DNAH12: variants seen among roughly 807,000 people sequenced by gnomAD.
DNAH12 encodes axonemal beta dynein heavy chain 12.
In DNAH12, 285 loss-of-function variants were observed where a neutral mutation model predicts 371.5. The observed-to-expected ratio is 0.77, with a 90% confidence interval of 0.70 to 0.85. The LOEUF (loss-of-function observed/expected upper bound fraction) is 0.85. Ranked by LOEUF, DNAH12 falls within the 40% of genes least tolerant of loss-of-function variation. DNAH12 has a pLI of 0.00. For missense variants in DNAH12, 3,611 were observed against 3,689.4 expected, an observed-to-expected ratio of 0.98 and a Z score of 0.55; for synonymous variants, 1,200 against 1,213.0, an observed-to-expected ratio of 0.99 and a Z score of 0.22.
intron 62 of DNAH12, among the ~76,000 whole-genome samples, chr3:57,333,023 G>A (rs570477232): frequency 1.3e-5 from 2 of 152,178 alleles, no homozygotes; most frequent in Admixed American, 6.5e-5. Flanking sequence ...GTTGATAAAC[G>A]TTCTGTAGAG....
intron 4 of DNAH12, among the ~76,000 whole-genome samples, chr3:57,513,581 A>G (rs1005538721): frequency 2.0e-5 from 3 of 152,238 alleles, no homozygotes; most frequent in Non-Finnish European, 4.4e-5. Flanking sequence ...ATTTTATCAC[A>G]ATTTATAAAC....
At chr3:57,424,234 C>T (rs1416654409) in intron 35 of DNAH12, among the ~76,000 whole-genome samples, 2 of 151,700 alleles carry the variant, frequency 1.3e-5, no homozygotes, top group Non-Finnish European at 2.9e-5. Flanking sequence ...CTTTGGGAGA[C>T]CGAGGTGGGC....
rs544562376 is a variant in DNAH12 at position 57,406,019 on chromosome 3, G to A, written c.6277-67C>T. 7.8e-6 allele frequency: 11 copies of A among 1,417,474 alleles called. No homozygotes were observed. In the South Asian group the frequency reaches 1.3e-4, roughly 16 times the overall value. 87.8% of individuals were successfully genotyped at this position (1,417,474 alleles called of 1,614,324 possible). ...TAATCAGTAAAGTCATGTAACCAGT[G>A]GAATGTTATACAAAATATTTTATTT... On this transcript the variant is annotated intron_variant, in intron 40 of 73. Transcript: ENST00000495027.
intron 62 of DNAH12, among the ~76,000 whole-genome samples, chr3:57,326,410 T>A (rs2061948442): frequency 6.6e-6 from 1 of 152,204 alleles, no homozygotes; most frequent in South Asian, 2.1e-4. Flanking sequence ...ATATTCAACA[T>A]TCTTAAAGAA....
At chr3:57,360,958 CTAGT>C (rs1350455942) in intron 58 of DNAH12, among the ~76,000 whole-genome samples, 2 of 152,048 alleles carry the variant, frequency 1.3e-5, no homozygotes, top group African/African-American at 4.8e-5. Flanking sequence ...TTTCTGGGCC[CTAGT>C]TTCCTCAACT....
chr3:57,467,337 G>A lies in DNAH12; in HGVS notation c.2349+1399C>T, dbSNP rs551965415. Among the ~76,000 whole-genome samples, 5 of 152,010 alleles carry A rather than the reference G, an allele frequency of 3.3e-5. No homozygotes were observed. In the East Asian group the frequency reaches 7.8e-4, roughly 24 times the overall value. ...TCACTATATTGGCCAGGCTGGTCTC[G>A]AACTCCTGACCTCAGATCAGGTGAT... On this transcript the variant is annotated intron_variant, in intron 17 of 73. Coordinates refer to ENST00000495027, the MANE Select transcript of DNAH12 (RefSeq NM_001366028.2).
Position 57,519,424 on chromosome 3 carries a change from C to T in DNAH12, c.279+4159G>A, listed in dbSNP as rs555470655. ...TTATAGCACTCCTAAGCTATGTGTG[C>T]GACACATACCACAGAGGTAGAAAGG... On this transcript the variant is annotated intron_variant, in intron 4 of 73. Transcript: ENST00000495027. Among the ~76,000 whole-genome samples, 6 of 152,210 alleles carry T rather than the reference C, an allele frequency of 3.9e-5. No homozygotes were observed. The South Asian group carries it at 1.0e-3, about 26-fold the overall frequency.
chr3:57,334,577 C>T lies in DNAH12; in HGVS notation c.9866G>A (p.Arg3289Gln), dbSNP rs1228398259. ...QHFCEHIYEW[R>Q]EIYDSKEPHN... is the part of the protein sequence containing the mutation. The stretch of plus-strand genomic sequence containing the variant: ...TGGCTCTTTACTGTCATAGATTTCT[C>T]GCCATTCATATATATGTTCACAAAA... The change falls in exon 62 of 74, where the codon CGA (arginine) becomes CAA (glutamine). Residue 3289 changes from arginine to glutamine, a missense_variant. Physicochemically the swap from Arg to Gln is conservative, Grantham distance 43. Transcript: ENST00000495027. 1.3e-5 allele frequency: 20 copies of T among 1,549,030 alleles called. No homozygotes were observed. The highest frequency in any genetic ancestry group is 2.0e-5 in the Admixed American group (1 of 50,650).
chr3:57,485,811 T>G (rs941346171), intron 12 of DNAH12, among the ~76,000 whole-genome samples: 2 of 152,126 alleles, frequency 1.3e-5, no homozygotes, highest in Admixed American at 6.6e-5. Flanking sequence ...TATAATGGAC[T>G]TCGGGGACTC....
At chr3:57,532,585 T>C (rs1440953436) in intron 2 of DNAH12, among the ~76,000 whole-genome samples, 2 of 152,214 alleles carry the variant, frequency 1.3e-5, no homozygotes, top group Non-Finnish European at 2.9e-5. Flanking sequence ...TGCAGACTCA[T>C]AGAAGTATCA....
At chr3:57,507,353 G>C (rs1034337767) in intron 8 of DNAH12, among the ~76,000 whole-genome samples, 6 of 151,946 alleles carry the variant, frequency 3.9e-5, no homozygotes, top group Middle Eastern at 3.2e-3. Context: ...TATGTTACTA[G>C]AATAGTTCTT....
chr3:57,376,405 A>G (rs1158346970), intron 53 of DNAH12, among the ~76,000 whole-genome samples: 1 of 152,100 alleles, frequency 6.6e-6, no homozygotes, highest in African/African-American at 2.4e-5. Context: ...TAAGATTGGT[A>G]TTTTTCCCAT....
intron 69 of DNAH12, among the ~76,000 whole-genome samples, chr3:57,307,667 A>T (rs979272939): frequency 1.3e-5 from 2 of 152,114 alleles, no homozygotes; most frequent in Non-Finnish European, 2.9e-5. Flanking sequence ...TGGCTCCTTC[A>T]GCTGTACTCA....
chr3:57,421,762 A>C, intron 35 of DNAH12, 56 bp from the exon 36 acceptor site: 1 of 1,541,440 alleles, frequency 6.5e-7, no homozygotes, highest in Non-Finnish European at 8.8e-7. Flanking sequence ...GCATTTTAGG[A>C]GAAACATTAA....
At position 57,397,653 on chromosome 3, in the gene DNAH12, C is replaced by G. The variant is rs893410089; in HGVS notation, c.6949-3321G>C. On this transcript the variant is annotated intron_variant, in intron 43 of 73. Coordinates refer to ENST00000495027, the MANE Select transcript of DNAH12 (RefSeq NM_001366028.2). ...CAAGGGCAGAGGAATACAACGGAAT[C>G]AGCAACTGAAAGCTCCTGAGAAGAA... is the stretch of plus-strand genomic sequence containing the variant. 2.7e-4 allele frequency among the ~76,000 whole-genome samples: 41 copies of G among 152,320 alleles called. No homozygotes were observed. In the East Asian group the frequency reaches 4.0e-3, roughly 15 times the overall value.
intron 69 of DNAH12, among the ~76,000 whole-genome samples, chr3:57,303,082 G>C (rs1022897869): frequency 7.3e-5 from 11 of 151,358 alleles, no homozygotes; most frequent in Admixed American, 2.6e-4. Context: ...GCTCACGCCT[G>C]TAATCCCAGC....
chr3:57,494,516 C>A (rs545410860), intron 11 of DNAH12, among the ~76,000 whole-genome samples: 1 of 151,484 alleles, frequency 6.6e-6, no homozygotes, highest in Admixed American at 6.6e-5. Context: ...GAGCTGAGAT[C>A]ATACCACTGT....
At chr3:57,545,046 G>A (rs540969763), upstream of DNAH12, among the ~76,000 whole-genome samples, 1 of 151,020 alleles carries the variant, frequency 6.6e-6, no homozygotes, top group Admixed American at 6.6e-5. Context: ...CTGGCACAGA[G>A]TAGGTGCTCT....
At chr3:57,398,656 G>C (rs1459626623) in intron 43 of DNAH12, among the ~76,000 whole-genome samples, 1 of 152,174 alleles carries the variant, frequency 6.6e-6, no homozygotes, top group Non-Finnish European at 1.5e-5. Context: ...TATTCTAATT[G>C]CAGAAAGATA....
Sources: allele counts gnomAD v4.1 joint callset (sites outside exome capture counted in the v4.1 genomes callset), GRCh38; gene constraint gnomAD v4.1.1; transcripts MANE v1.5; gene names NCBI Gene and HGNC (gene_info 2026-07-23, HGNC 2026-07-21).